Variants in ITGA8 observed in about 807,000 individuals in gnomAD.
The protein encoded by ITGA8 is integrin alpha-8.
ITGA8 carries 91 observed loss-of-function variants against 142.3 expected under a neutral mutation model. The ratio of observed to expected loss-of-function variants is 0.64; its 90% CI spans 0.54 to 0.76. ITGA8 has a LOEUF of 0.76. ITGA8 is among the 30% of genes least tolerant of loss of function. ITGA8 has a pLI of 0.00. For synonymous variants in ITGA8, 505 were observed against 485.2 expected, an observed-to-expected ratio of 1.04 and a Z score of -0.54; for missense variants, 1,406 against 1,327.7, an observed-to-expected ratio of 1.06 and a Z score of -0.92.
intron 22 of ITGA8, among the ~76,000 whole-genome samples, chr10:15,588,419 A>G (rs577763694): frequency 6.6e-6 from 1 of 152,322 alleles, no homozygotes; most frequent in African/African-American, 2.4e-5. Context: ...TTTCCAGGCC[A>G]TTTTATTAAG....
intron 13 of ITGA8, among the ~76,000 whole-genome samples, chr10:15,631,809 T>C (rs1342174828): frequency 7.1e-6 from 1 of 141,824 alleles, no homozygotes; most frequent in Admixed American, 7.1e-5. Flanking sequence ...AAAAAAGCCA[T>C]GGCTAAGCAG....
At chr10:15,531,264 TC>T in intron 27 of ITGA8, 113 bp from the exon 28 acceptor site, 1 of 518,898 alleles carries the variant, frequency 1.9e-6, no homozygotes, top group Non-Finnish European at 3.2e-6. Flanking sequence ...ATTTCCTCCT[TC>T]CTTTTTAATT....
chr10:15,669,959 C>G (rs554547697), intron 8 of ITGA8, among the ~76,000 whole-genome samples: 8 of 152,264 alleles, frequency 5.3e-5, no homozygotes, highest in African/African-American at 1.9e-4. Context: ...ACTCAGGGGT[C>G]AGGGACCCAC....
intron 24 of ITGA8, among the ~76,000 whole-genome samples, chr10:15,574,437 C>G (rs916335506): frequency 5.9e-5 from 9 of 152,294 alleles, no homozygotes; most frequent in Non-Finnish European, 1.3e-4. Flanking sequence ...TGTCGCCAGG[C>G]TGGAGTGCGG....
chr10:15,600,452 G>A (rs1833084222), intron 20 of ITGA8, among the ~76,000 whole-genome samples: 1 of 152,226 alleles, frequency 6.6e-6, no homozygotes, highest in Non-Finnish European at 1.5e-5. Context: ...TGAGGGAGCA[G>A]AGTTAGTGTG....
chr10:15,609,470 G>T (rs1010164961), intron 15 of ITGA8, among the ~76,000 whole-genome samples: 1 of 152,110 alleles, frequency 6.6e-6, no homozygotes, highest in African/African-American at 2.4e-5. Flanking sequence ...TCATCTATCT[G>T]CTGTGACCTC....
Position 15,646,839 on chromosome 10 carries a change from A to G in ITGA8, c.1207+7T>C. 9.3e-6 allele frequency: 15 copies of G among 1,612,044 alleles called. No individual in the cohort carries two copies. Among genetic ancestry groups the G allele is most frequent in the Non-Finnish European group, 1.3e-5 (15 of 1,178,210 alleles). On this transcript the variant is annotated splice_region_variant and intron_variant, in intron 12 of 29. Coordinates refer to ENST00000378076, the MANE Select transcript of ITGA8 (RefSeq NM_003638.3). ...ATAAATGACTTCCACGCTTTGGTTT[A>G]AATTACCATTGTATCCATCTTGGTT...
At chr10:15,596,514 G>A (rs1363694790) in intron 21 of ITGA8, 2 of 152,280 alleles carry the variant, frequency 1.3e-5, no homozygotes, top group East Asian at 1.9e-4. Context: ...TCATGGGAAT[G>A]TACTTGCCAT....
At chr10:15,566,543 G>A (rs191953824) in intron 25 of ITGA8, among the ~76,000 whole-genome samples, 52 of 152,202 alleles carry the variant, frequency 3.4e-4, no homozygotes, top group African/African-American at 1.3e-3. Flanking sequence ...GGGCATGGTG[G>A]CTCATGCCTG....
In ITGA8 at chr10:15,719,320, G is replaced by T. The variant is rs565804672; in HGVS notation, c.209+243C>A. 3.9e-5 allele frequency among the ~76,000 whole-genome samples: 6 copies of T among 152,336 alleles called. No individual in the cohort carries two copies. The South Asian group carries it at 1.2e-3, about 32-fold the overall frequency. On this transcript the variant is annotated intron_variant, in intron 1 of 29. Transcript: ENST00000378076. ...TCCTTTGTAGGATGCGTGCGTCTTG[G>T]TACCTGGAACACCCAGGACTTGCGT...
chr10:15,672,782 T>A lies in ITGA8; in HGVS notation c.677-33A>T, dbSNP rs752681806. 162 of 1,548,802 alleles carry A rather than the reference T, an allele frequency of 1.0e-4. 1 individual carries two copies. The highest frequency in any genetic ancestry group is 1.4e-4 in the Non-Finnish European group (157 of 1,146,596). ...TAAACAAATTAATACGTTAACTGAATGAAAGCAAGAGGCAGGCCCTCCATG... is the reference window on the plus strand; with the variant it reads ...TAAACAAATTAATACGTTAACTGAAAGAAAGCAAGAGGCAGGCCCTCCATG... On this transcript the variant is annotated intron_variant, in intron 6 of 29. Transcript: ENST00000378076.
chr10:15,671,970 C>T (rs910903008), intron 7 of ITGA8, among the ~76,000 whole-genome samples: 5 of 150,944 alleles, frequency 3.3e-5, no homozygotes, highest in African/African-American at 7.3e-5. Context: ...TAAATGGTGG[C>T]TGTTGCATTT....
chr10:15,587,243 G>A (rs1271193332), intron 22 of ITGA8, among the ~76,000 whole-genome samples: 2 of 152,064 alleles, frequency 1.3e-5, no homozygotes, highest in African/African-American at 2.4e-5. Flanking sequence ...TTTTTAAATG[G>A]CTAAACCAAA....
At chr10:15,589,974 G>T (rs996891864) in intron 22 of ITGA8, among the ~76,000 whole-genome samples, 2 of 152,074 alleles carry the variant, frequency 1.3e-5, no homozygotes, top group Non-Finnish European at 2.9e-5. Flanking sequence ...TGTTGGCTAG[G>T]CTGGTCTCGA....
At chr10:15,534,406 G>A (rs1833376731) in intron 27 of ITGA8, among the ~76,000 whole-genome samples, 2 of 152,114 alleles carry the variant, frequency 1.3e-5, no homozygotes, top group African/African-American at 2.4e-5. Context: ...AAGATGCAAG[G>A]CATATTCCTT....
At chr10:15,540,299 T>G (rs1319997801) in intron 27 of ITGA8, among the ~76,000 whole-genome samples, 4 of 152,154 alleles carry the variant, frequency 2.6e-5, no homozygotes, top group Non-Finnish European at 5.9e-5. Flanking sequence ...TTCCCCACCT[T>G]CCCTTCCCAG....
chr10:15,693,101 C>T (rs992417968), intron 2 of ITGA8, among the ~76,000 whole-genome samples: 4 of 152,140 alleles, frequency 2.6e-5, no homozygotes, highest in African/African-American at 9.7e-5. Context: ...TAAAGCAAAA[C>T]ATGCATGTTT....
At chr10:15,535,472 G>A (rs1048667669) in intron 27 of ITGA8, among the ~76,000 whole-genome samples, 1 of 152,182 alleles carries the variant, frequency 6.6e-6, no homozygotes, top group Non-Finnish European at 1.5e-5. Flanking sequence ...CACTGTGTAT[G>A]TAGCTCAAGG....
rs752710916 is a variant in ITGA8 at position 15,558,157 on chromosome 10, G to A, written c.2683C>T (p.Arg895Ter). The A allele has an allele frequency of 6.2e-7, 1 of 1,614,194 alleles. No individual in the cohort carries two copies. Among genetic ancestry groups the A allele is most frequent in the Non-Finnish European group, 8.5e-7 (1 of 1,180,044 alleles). Residue 895 changes from arginine (R) to a stop codon, truncating the protein, a stop_gained, in exon 26 of 30, where the codon CGA becomes TGA. Transcript: ENST00000378076. LOFTEE classifies it high-confidence loss of function. ...ACAAGATGAGGAATAGTAGAGTTTC[G>A]CAAAAAGGCGCTGAGCTCAGGGGTG... ...EDTPELSAFL[R>*]NSTIPHLVRK... is the part of the protein sequence containing the mutation.
Sources: gnomAD v4.1 joint callset for allele counts (sites outside exome capture counted in the v4.1 genomes callset) on GRCh38, gnomAD v4.1.1 for gene constraint, MANE v1.5 for transcripts, NCBI Gene and HGNC (gene_info 2026-07-23, HGNC 2026-07-21) for gene names.